SLC16A12: variants seen among roughly 807,000 people sequenced by gnomAD.
SLC16A12 encodes solute carrier family 16 member 12.
A neutral mutation model predicts 42.4 loss-of-function variants in SLC16A12; 17 were observed. That is an observed-to-expected ratio of 0.40 (90% confidence interval 0.27 to 0.60). SLC16A12 has a LOEUF of 0.60. SLC16A12 is among the 20% of genes least tolerant of loss of function. The probability of loss-of-function intolerance (pLI) is 0.42; values close to 1 mark genes in which losing one functional copy is unlikely to be tolerated. For missense variants in SLC16A12, 544 were observed against 623.0 expected, an observed-to-expected ratio of 0.87 and a Z score of 1.35; for synonymous variants, 224 against 229.4, an observed-to-expected ratio of 0.98 and a Z score of 0.21.
intron 2 of SLC16A12, among the ~76,000 whole-genome samples, chr10:89,466,028 G>A (rs898606498): frequency 6.6e-6 from 1 of 152,168 alleles, no homozygotes. Flanking sequence ...CAAAGTTAAT[G>A]AGCCAATACC....
intron 6 of SLC16A12, 58 bp from the exon 7 acceptor site, chr10:89,436,377 T>C (rs1841787081): frequency 1.2e-6 from 2 of 1,601,980 alleles, no homozygotes; most frequent in Admixed American, 3.3e-5. Context: ...AAAAGAGCTT[T>C]AGAGCCACGG....
intron 2 of SLC16A12, among the ~76,000 whole-genome samples, chr10:89,520,936 C>T (rs987971700): frequency 6.6e-6 from 1 of 152,056 alleles, no homozygotes; most frequent in Non-Finnish European, 1.5e-5. Flanking sequence ...GCCTGGAACA[C>T]GTACATGCTC....
chr10:89,554,033 GAAGAAAGAAAGAAAGAAAGA>G lies in SLC16A12; in HGVS notation c.-47+1829_-47+1848del, dbSNP rs1295802200. Among the ~76,000 whole-genome samples, 300 of 67,592 alleles carry G rather than the reference GAAGAAAGAAAGAAAGAAAGA, an allele frequency of 4.4e-3. 15 individuals are homozygous for G. The highest frequency in any genetic ancestry group is 0.014 in the Admixed American group (81 of 5,952). The allele number at this position is 67,592 out of a possible 152,430, so 44.3% of individuals were successfully genotyped here. A position where few individuals can be genotyped will look rare whatever the true frequency, so the allele number is the denominator to read the frequency against. On this transcript the variant is annotated intron_variant, in intron 2 of 2. Coordinates refer to the SLC16A12 transcript ENST00000475682. ...GAAAGAGAGAAAGAAAGAGAGAAAGGAAGAAAGAAAGAAAGAAAGAAAGAAAGAAAGAAAGAAAGAAAGAA... is the reference window on the plus strand; with the variant it reads ...GAAAGAGAGAAAGAAAGAGAGAAAGGAAGAAAGAAAGAAAGAAAGAAAGAA...
chr10:89,531,177 G>T (rs762029983), intron 2 of SLC16A12, among the ~76,000 whole-genome samples: 1 of 151,928 alleles, frequency 6.6e-6, no homozygotes, highest in African/African-American at 2.4e-5. Flanking sequence ...ATCACCTGAG[G>T]TCAGGAGTTC....
intron 5 of SLC16A12, among the ~76,000 whole-genome samples, chr10:89,439,690 G>A (rs1205003379): frequency 6.6e-6 from 1 of 152,096 alleles, no homozygotes; most frequent in Non-Finnish European, 1.5e-5. Context: ...TTTTATATGT[G>A]AACATAGCAA....
Position 89,438,819 on chromosome 10 carries a change from C to T in SLC16A12, c.813G>A (p.Leu271=). 6.2e-7 allele frequency: 1 copy of T among 1,614,178 alleles called. No individual in the cohort carries two copies. The highest frequency in any genetic ancestry group is 8.5e-7 in the Non-Finnish European group (1 of 1,180,038). The change falls in exon 6 of 8, where the codon TTG becomes TTA. Residue 271 remains leucine, a synonymous_variant. Transcript: ENST00000371790. ...TGAGTAAAAAACTGTACTCTTGCTGCAAACAGCAACAGAGGCAAGTCTGTG... is the reference window on the plus strand; with the variant it reads ...TGAGTAAAAAACTGTACTCTTGCTGTAAACAGCAACAGAGGCAAGTCTGTG... ...EWAQTCLCCC[L]QQEYSFLLMS...
rs537979080 is a variant in SLC16A12 at position 89,547,557 on chromosome 10, T to C, written c.-47+8325A>G. Among the ~76,000 whole-genome samples, 11 of 152,344 alleles carry C rather than the reference T, an allele frequency of 7.2e-5. No individual in the cohort carries two copies. In the East Asian group the frequency reaches 2.1e-3, roughly 29 times the overall value. On this transcript the variant is annotated intron_variant, in intron 2 of 2. Coordinates refer to the SLC16A12 transcript ENST00000475682. ...AGAATTTACAATCTAGTTGGAACTA[T>C]AAGTAGCCATGCAAATGACAAATAT...
At chr10:89,510,423 T>C (rs909339525) in intron 2 of SLC16A12, among the ~76,000 whole-genome samples, 27 of 152,076 alleles carry the variant, frequency 1.8e-4, no homozygotes, top group South Asian at 2.1e-4. Flanking sequence ...GCCTCAGAAA[T>C]AACACCACAC....
intron 3 of SLC16A12, among the ~76,000 whole-genome samples, chr10:89,456,651 G>A (rs1371136942): frequency 2.0e-5 from 3 of 151,998 alleles, no homozygotes; most frequent in Admixed American, 2.0e-4. Context: ...CATCACCTAA[G>A]TATTAAGCCC....
chr10:89,464,470 A>G (rs537084026), intron 2 of SLC16A12, among the ~76,000 whole-genome samples: 7 of 152,320 alleles, frequency 4.6e-5, no homozygotes, highest in Middle Eastern at 3.4e-3. Flanking sequence ...TACTTTTGCT[A>G]CAGAATTGAG....
At chr10:89,453,294 A>T (rs780318820) in intron 3 of SLC16A12, among the ~76,000 whole-genome samples, 18 of 152,346 alleles carry the variant, frequency 1.2e-4, no homozygotes, top group East Asian at 9.6e-4. Flanking sequence ...ATGTTTCTTA[A>T]CATTTTAAAA....
In SLC16A12 at chr10:89,433,236, G is replaced by A. The variant is rs1029189686; in HGVS notation, c.1379C>T (p.Ala460Val). Residue 460 changes from alanine to valine, a missense_variant, in exon 8 of 8, where the codon GCT becomes GTT. Ala to Val is a moderately conservative substitution (Grantham distance 64). Transcript: ENST00000371790. ...MIFSSVLLGF[A>V]RLIKRMRKTQ... ...TTTTCTCATTCTCTTTATAAGTCTAGCAAAGCCAAGCAACACAGAACTAAA... is the reference window on the plus strand; with the variant it reads ...TTTTCTCATTCTCTTTATAAGTCTAACAAAGCCAAGCAACACAGAACTAAA... The A allele has an allele frequency of 1.2e-6, 2 of 1,614,212 alleles. No homozygotes were observed.
chr10:89,534,405 G>C (rs1843612941), intron 2 of SLC16A12, 96 bp downstream of exon 2: 1 of 152,150 alleles, frequency 6.6e-6, no homozygotes, highest in Admixed American at 6.5e-5. Context: ...GTGACGCCGC[G>C]GGAGTGCCTA....
chr10:89,448,584 C>T (rs1056738786), intron 3 of SLC16A12, among the ~76,000 whole-genome samples: 8 of 152,116 alleles, frequency 5.3e-5, no homozygotes, highest in Admixed American at 2.6e-4. Context: ...TCTCAATAAA[C>T]TAGGTATTGA....
chr10:89,500,511 T>G (rs944133828), intron 2 of SLC16A12, among the ~76,000 whole-genome samples: 1 of 152,134 alleles, frequency 6.6e-6, no homozygotes, highest in Non-Finnish European at 1.5e-5. Context: ...CCAATAAATG[T>G]GATACACCGC....
At chr10:89,503,115 C>T (rs555905063) in intron 2 of SLC16A12, among the ~76,000 whole-genome samples, 11 of 152,182 alleles carry the variant, frequency 7.2e-5, no homozygotes, top group Non-Finnish European at 1.5e-4. Context: ...GAGAACAAGG[C>T]AATATTCTCT....
chr10:89,479,229 A>G lies in SLC16A12; in HGVS notation c.-46-16605T>C, dbSNP rs553945666. ...ACTCCTGGCTCTTCTCCTTCTCCTCACTTTTCGCTGTAAGAGGGGTTGCTT... is the reference window on the plus strand; with the variant it reads ...ACTCCTGGCTCTTCTCCTTCTCCTCGCTTTTCGCTGTAAGAGGGGTTGCTT... On this transcript the variant is annotated intron_variant, in intron 2 of 7. Coordinates refer to ENST00000371790, the MANE Select transcript of SLC16A12 (RefSeq NM_213606.4). 5.9e-5 allele frequency among the ~76,000 whole-genome samples: 9 copies of G among 151,696 alleles called. No homozygotes were observed. In the East Asian group the frequency reaches 1.7e-3, roughly 29 times the overall value.
intron 2 of SLC16A12, among the ~76,000 whole-genome samples, chr10:89,554,516 A>G (rs1227297366): frequency 6.6e-6 from 1 of 152,172 alleles, no homozygotes; most frequent in Non-Finnish European, 1.5e-5. Context: ...ATTTATCACA[A>G]TTTGGGTTGA....
At chr10:89,533,143 T>G (rs1286472945) in intron 2 of SLC16A12, among the ~76,000 whole-genome samples, 4 of 151,546 alleles carry the variant, frequency 2.6e-5, no homozygotes, top group African/African-American at 4.9e-5. Context: ...AATTTGTTTT[T>G]TTGTTGTTGT....
Sources: allele counts gnomAD v4.1 joint callset (sites outside exome capture counted in the v4.1 genomes callset), GRCh38; gene constraint gnomAD v4.1.1; transcripts MANE v1.5; gene names NCBI Gene and HGNC (gene_info 2026-07-23, HGNC 2026-07-21).